The following HCN1 variants were observed in gnomAD, a reference collection of about 807,000 sequenced individuals.
The protein encoded by HCN1 is potassium/sodium hyperpolarization-activated cyclic nucleotide-gated channel 1.
In HCN1, 13 loss-of-function variants were observed where a neutral mutation model predicts 78.9. The observed-to-expected ratio is 0.16, with a 90% confidence interval of 0.11 to 0.26. The LOEUF (loss-of-function observed/expected upper bound fraction) is 0.26, where lower values mean the gene tolerates loss of function less well. Ranked by LOEUF, HCN1 falls within the 10% of genes least tolerant of loss-of-function variation. The pLI is 1.00. For missense variants in HCN1, 810 were observed against 1,154.3 expected, an observed-to-expected ratio of 0.70 and a Z score of 4.32; for synonymous variants, 552 against 455.5, an observed-to-expected ratio of 1.21 and a Z score of -2.70.
At chr5:45,403,517 G>GA (rs1178620998) in intron 3 of HCN1, among the ~76,000 whole-genome samples, 2 of 151,998 alleles carry the variant, frequency 1.3e-5, no homozygotes, top group South Asian at 2.1e-4. Context: ...AAGCAAAAGG[G>GA]AAAAAGGTCC....
At chr5:45,660,649 C>A (rs1361224797) in intron 1 of HCN1, among the ~76,000 whole-genome samples, 2 of 149,732 alleles carry the variant, frequency 1.3e-5, no homozygotes, top group Non-Finnish European at 3.0e-5. Context: ...GCAGGGGTTG[C>A]AATCCTAGTC....
At chr5:45,641,222 T>A (rs764684612) in intron 2 of HCN1, among the ~76,000 whole-genome samples, 1 of 152,210 alleles carries the variant, frequency 6.6e-6, no homozygotes, top group Non-Finnish European at 1.5e-5. Context: ...CAATTTATAG[T>A]AACAGTTAGT....
chr5:45,567,325 C>G (rs893055228), intron 2 of HCN1, among the ~76,000 whole-genome samples: 2 of 151,684 alleles, frequency 1.3e-5, no homozygotes, highest in Non-Finnish European at 2.9e-5. Context: ...CAAAGAATGT[C>G]CCTTTTCCAT....
intron 3 of HCN1, among the ~76,000 whole-genome samples, chr5:45,459,413 A>G (rs1043839376): frequency 7.9e-5 from 12 of 151,492 alleles, no homozygotes; most frequent in African/African-American, 2.9e-4. Context: ...AAAAAAAAAA[A>G]AAGCCAAGAA....
chr5:45,350,431 A>T (rs1411383306), intron 5 of HCN1, among the ~76,000 whole-genome samples: 2 of 152,176 alleles, frequency 1.3e-5, no homozygotes, highest in Non-Finnish European at 2.9e-5. Context: ...CTGAGTGGGC[A>T]AAAACTGGAA....
At chr5:45,372,259 TTATA>T (rs1179388725) in intron 4 of HCN1, among the ~76,000 whole-genome samples, 66 of 49,986 alleles carry the variant, frequency 1.3e-3, no homozygotes, top group Non-Finnish European at 1.9e-3. Context: ...TAATATATAT[TTATA>T]TATATATTTA....
chr5:45,397,347 T>C (rs2112041490), intron 3 of HCN1, among the ~76,000 whole-genome samples: 1 of 152,178 alleles, frequency 6.6e-6, no homozygotes, highest in East Asian at 1.9e-4. Context: ...TATAAAATAA[T>C]AAAATGAAAT....
chr5:45,387,298 T>C (rs1380029511), intron 4 of HCN1, among the ~76,000 whole-genome samples: 2 of 152,088 alleles, frequency 1.3e-5, no homozygotes, highest in African/African-American at 4.8e-5. Flanking sequence ...TCTCATATTA[T>C]TGTTTCATAC....
At chr5:45,288,582 C>T (rs1287885561) in intron 6 of HCN1, among the ~76,000 whole-genome samples, 3 of 151,994 alleles carry the variant, frequency 2.0e-5, no homozygotes, top group Non-Finnish European at 4.4e-5. Flanking sequence ...TCTGTGGATG[C>T]TGAGCACACT....
intron 2 of HCN1, among the ~76,000 whole-genome samples, chr5:45,589,733 T>C (rs982497467): frequency 6.6e-6 from 1 of 152,230 alleles, no homozygotes; most frequent in African/African-American, 2.4e-5. Flanking sequence ...TTTCAATAGA[T>C]GCTAGCATTT....
At chr5:45,521,215 A>C (rs376979863) in intron 2 of HCN1, among the ~76,000 whole-genome samples, 2 of 151,916 alleles carry the variant, frequency 1.3e-5, no homozygotes, top group African/African-American at 4.8e-5. Context: ...GAGGGAGCCA[A>C]GAAAACAAAG....
chr5:45,365,217 G>A (rs1561125048), intron 4 of HCN1, among the ~76,000 whole-genome samples: 2 of 151,440 alleles, frequency 1.3e-5, no homozygotes, highest in Non-Finnish European at 2.9e-5. Context: ...TAGATTTAGG[G>A]AATTCATGTG....
chr5:45,355,895 C>T (rs1746998547), intron 4 of HCN1, among the ~76,000 whole-genome samples: 1 of 151,842 alleles, frequency 6.6e-6, no homozygotes, highest in Admixed American at 6.6e-5. Flanking sequence ...TGAACAGTGG[C>T]CAGTGAATTT....
At position 45,276,238 on chromosome 5, in the gene HCN1, C is replaced by G. The variant is rs1366103478; in HGVS notation, c.1619-8985G>C. On this transcript the variant is annotated intron_variant, in intron 6 of 7. Coordinates refer to ENST00000303230, the MANE Select transcript of HCN1 (RefSeq NM_021072.4). ...CACACACACACACACCACATGCACACATGATAAAATCAACATTTAAACATG... is the reference window on the plus strand; with the variant it reads ...CACACACACACACACCACATGCACAGATGATAAAATCAACATTTAAACATG... 3.9e-5 allele frequency among the ~76,000 whole-genome samples: 6 copies of G among 152,038 alleles called. No individual in the cohort carries two copies. In the South Asian group the frequency reaches 1.0e-3, roughly 26 times the overall value.
intron 2 of HCN1, chr5:45,558,061 G>A (rs1743511879): frequency 6.6e-6 from 1 of 151,482 alleles, no homozygotes; most frequent in Non-Finnish European, 1.5e-5. Context: ...CAAACACTGA[G>A]CCAAGTTGTG....
rs565251065 is a variant in HCN1, at chr5:45,462,120, T to G, written c.850-113A>C. The G allele has an allele frequency of 1.3e-3, 1,000 of 794,552 alleles. 2 individuals are homozygous for G. The highest frequency in any genetic ancestry group is 1.8e-3 in the Non-Finnish European group (886 of 479,130). The allele number at this position is 794,552 out of a possible 1,614,324, so 49.2% of individuals were successfully genotyped here. ...AGCGTAAGCATTGATTTAATAAAAA[T>G]ATGGGAATAACTTGCAGAAATAGAA... On this transcript the variant is annotated intron_variant, in intron 2 of 7. Transcript: ENST00000303230.
At chr5:45,378,064 A>G (rs1489033269) in intron 4 of HCN1, among the ~76,000 whole-genome samples, 1 of 151,984 alleles carries the variant, frequency 6.6e-6, no homozygotes. Flanking sequence ...TAGTATAGAA[A>G]GAGACATTCA....
intron 5 of HCN1, among the ~76,000 whole-genome samples, chr5:45,341,423 C>A (rs114299267): frequency 0.016 from 2,444 of 152,266 alleles, 70 homozygotes; most frequent in African/African-American, 0.056. Flanking sequence ...AGATCAGCTG[C>A]AGATAAGAGT....
Position 45,696,158 on chromosome 5 carries a change from A to C in HCN1, c.-65T>G, listed in dbSNP as rs1740009388. The C allele has an allele frequency of 8.7e-7, 1 of 1,146,446 alleles. No homozygotes were observed. Among genetic ancestry groups the C allele is most frequent in the African/African-American group, 1.7e-5 (1 of 60,476 alleles). The allele number at this position is 1,146,446 out of a possible 1,614,324, so 71.0% of individuals were successfully genotyped here. ...TCGCCGGCCGCCCGGCGCCGGAGAC[A>C]CGTAGCCGAGAGGGTAGGGGCCCGA... On this transcript the variant is annotated 5_prime_UTR_variant, in exon 1 of 8. Coordinates refer to ENST00000303230, the MANE Select transcript of HCN1 (RefSeq NM_021072.4).
Sources: allele counts gnomAD v4.1 joint callset (sites outside exome capture counted in the v4.1 genomes callset), GRCh38; gene constraint gnomAD v4.1.1; transcripts MANE v1.5; gene names NCBI Gene and HGNC (gene_info 2026-07-23, HGNC 2026-07-21).